Variants in VPS13D observed in about 807,000 individuals in gnomAD.
The protein encoded by VPS13D is intermembrane lipid transfer protein VPS13D.
Under a neutral mutation model 461.9 loss-of-function variants are expected in VPS13D, and 187 were observed. That is an observed-to-expected ratio of 0.40 (90% CI 0.36 to 0.46). The LOEUF is 0.46. VPS13D is among the 20% of genes least tolerant of loss of function. The pLI is 0.60. For missense variants in VPS13D, 4,711 were observed against 5,364.9 expected (o/e 0.88, Z 3.81); for synonymous variants, 1,951 against 1,986.3 (o/e 0.98, Z 0.47).
In VPS13D at chr1:12,348,946, A is replaced by C. The variant is rs1456942784; in HGVS notation, c.9193A>C (p.Arg3065=). The C allele has an allele frequency of 1.9e-6, 3 of 1,614,208 alleles. No individual in the cohort carries two copies. The South Asian group carries it at 3.3e-5, about 18-fold the overall frequency. ...RNRLETPMEL[R]LDSPSAPDKP... ...CAGACTTGAGACACCAATGGAACTA[A>C]GACTGGATAGCCCATCAGCTCCAGA... The change falls in exon 45 of 70, where the codon AGA becomes CGA. Residue 3065 remains arginine (R), a synonymous_variant. Transcript: ENST00000620676.
Position 12,321,814 on chromosome 1 carries a change from T to C in VPS13D, c.7554T>C (p.Phe2518=), listed in dbSNP as rs754459382. ...TATTGCATTTCATTCTGTAGGTGTT[T>C]TCATGCCGACTAGGGAATGAGCATG... ...FSGSLFGIEV[F]SCRLGNEHDT... is the part of the protein sequence containing the mutation. Residue 2518 remains phenylalanine, a synonymous_variant, in exon 33 of 70, where the codon TTT becomes TTC. Transcript: ENST00000620676. The C allele has an allele frequency of 6.2e-7, 1 of 1,600,534 alleles. No homozygotes were observed. Among genetic ancestry groups the C allele is most frequent in the Non-Finnish European group, 8.5e-7 (1 of 1,176,102 alleles).
chr1:12,404,564 C>T (rs533362378), intron 63 of VPS13D, among the ~76,000 whole-genome samples: 1 of 152,338 alleles, frequency 6.6e-6, no homozygotes, highest in East Asian at 1.9e-4. Flanking sequence ...ACAGCCTGAA[C>T]ACCGTCTTCA....
At chr1:12,313,837 A>T (rs547791564) in intron 29 of VPS13D, among the ~76,000 whole-genome samples, 3 of 152,326 alleles carry the variant, frequency 2.0e-5, no homozygotes, top group South Asian at 4.1e-4. Flanking sequence ...TAACGGATTC[A>T]GAATATGTTA....
chr1:12,267,713 C>A, intron 14 of VPS13D, 132 bp from the exon 15 acceptor site: 1 of 792,930 alleles, frequency 1.3e-6, no homozygotes, highest in Non-Finnish European at 2.1e-6. Flanking sequence ...TGCAAGTAGT[C>A]AATCTGAGGT....
intron 68 of VPS13D, among the ~76,000 whole-genome samples, chr1:12,501,576 G>A (rs913486632): frequency 3.1e-4 from 47 of 152,284 alleles, no homozygotes; most frequent in African/African-American, 1.1e-3. Context: ...CTGTGCACTG[G>A]CAAATTTCTT....
intron 30 of VPS13D, among the ~76,000 whole-genome samples, chr1:12,315,434 A>G (rs1244363543): frequency 1.3e-5 from 2 of 152,172 alleles, no homozygotes; most frequent in African/African-American, 2.4e-5. Flanking sequence ...TATGAACTTT[A>G]AAAGTTCAGG....
intron 65 of VPS13D, among the ~76,000 whole-genome samples, chr1:12,452,181 T>A (rs1236794433): frequency 6.6e-6 from 1 of 152,242 alleles, no homozygotes; most frequent in Non-Finnish European, 1.5e-5. Flanking sequence ...CTGCACATGT[T>A]GGATTGCTTG....
chr1:12,499,519 A>C lies in VPS13D; in HGVS notation c.12794+1888A>C, dbSNP rs536101808. On this transcript the variant is annotated intron_variant, in intron 68 of 69. Coordinates refer to ENST00000620676, the MANE Select transcript of VPS13D (RefSeq NM_015378.4). ...GTACAGCCAACATAGGACTGCTCCC[A>C]GTGAGATACACACATTGAAAAACAG... 2.1e-4 allele frequency: 210 copies of C among 985,478 alleles called. 2 individuals carry two copies. The South Asian group carries it at 8.2e-3, about 39-fold the overall frequency. 61.0% of individuals were successfully genotyped at this position (985,478 alleles called of 1,614,324 possible).
chr1:12,252,005 C>T (rs977685900), intron 6 of VPS13D, among the ~76,000 whole-genome samples: 1 of 152,112 alleles, frequency 6.6e-6, no homozygotes. Context: ...TGGCTGCTGA[C>T]GGTCATTGAG....
chr1:12,372,260 T>C (rs1472744919), intron 54 of VPS13D, among the ~76,000 whole-genome samples: 1 of 152,050 alleles, frequency 6.6e-6, no homozygotes, highest in African/African-American at 2.4e-5. Flanking sequence ...AGGGTCTCAC[T>C]ATTTTGCCCA....
At chr1:12,284,522 G>T (rs531684324) in intron 21 of VPS13D, among the ~76,000 whole-genome samples, 13 of 152,352 alleles carry the variant, frequency 8.5e-5, no homozygotes, top group African/African-American at 3.1e-4. Flanking sequence ...TCTGCTCTGT[G>T]TGATAGACCA....
chr1:12,295,236 A>C (rs535177804), intron 24 of VPS13D, among the ~76,000 whole-genome samples: 13,384 of 150,680 alleles, frequency 0.089, 1,139 homozygotes, highest in African/African-American at 0.2. Flanking sequence ...AAAAAAAAAA[A>C]AAAACAAAAC....
intron 15 of VPS13D, 63 bp from the exon 16 acceptor site, chr1:12,268,643 G>T (rs894891152): frequency 3.5e-5 from 53 of 1,514,336 alleles, no homozygotes; most frequent in Non-Finnish European, 4.4e-5. Context: ...TCCCTCACAG[G>T]TCTGTTAATA....
intron 67 of VPS13D, chr1:12,497,044 G>A (rs1261723635): frequency 6.5e-6 from 1 of 152,778 alleles, no homozygotes; most frequent in East Asian, 1.9e-4. Flanking sequence ...CAAATCCAAA[G>A]ATGGCTCTCC....
chr1:12,257,888 G>A (rs769075032), intron 9 of VPS13D, 47 bp from the exon 10 acceptor site: 8 of 1,606,628 alleles, frequency 5.0e-6, no homozygotes, highest in African/African-American at 1.3e-5. Flanking sequence ...TAGCCTTTTC[G>A]TTGCTTTTGT....
At chr1:12,396,603 G>C (rs1340014383) in intron 60 of VPS13D, among the ~76,000 whole-genome samples, 2 of 152,134 alleles carry the variant, frequency 1.3e-5, no homozygotes. Context: ...TTTCCCAAAT[G>C]GACGAACTAC....
intron 40 of VPS13D, 109 bp downstream of exon 40, chr1:12,338,414 C>A: frequency 3.3e-6 from 3 of 899,254 alleles, no homozygotes; most frequent in Non-Finnish European, 5.4e-6. Context: ...TATTCCATGT[C>A]GTGAGTACTT....
intron 2 of VPS13D, among the ~76,000 whole-genome samples, chr1:12,242,169 T>G (rs442331): frequency 0.011 from 1,615 of 152,344 alleles, 20 homozygotes; most frequent in African/African-American, 0.037. Flanking sequence ...TCTGAACTCT[T>G]CATCAGCGCC....
chr1:12,308,205 G>A (rs915678156), intron 26 of VPS13D, among the ~76,000 whole-genome samples: 6 of 152,088 alleles, frequency 3.9e-5, no homozygotes, highest in Non-Finnish European at 8.8e-5. Context: ...GAGTGGAGGC[G>A]GGTGGGCAGG....
Sources: gnomAD v4.1 joint callset for allele counts (sites outside exome capture counted in the v4.1 genomes callset) on GRCh38, gnomAD v4.1.1 for gene constraint, MANE v1.5 for transcripts, NCBI Gene and HGNC (gene_info 2026-07-23, HGNC 2026-07-21) for gene names.